The following UBE3A variants were observed in gnomAD, a reference collection of about 807,000 sequenced individuals.
UBE3A encodes ubiquitin-protein ligase E3A.
UBE3A carries 6 observed loss-of-function variants against 83.4 expected under a neutral mutation model. That is an observed-to-expected ratio of 0.07 (90% CI 0.04 to 0.14). The LOEUF (loss-of-function observed/expected upper bound fraction) is 0.14, where lower values mean the gene tolerates loss of function less well. Among genes scored for constraint, UBE3A ranks in the 10% least tolerant of loss-of-function variants. UBE3A has a pLI of 1.00. For missense variants in UBE3A, 456 were observed against 1,036.1 expected (o/e 0.44, Z 7.69); for synonymous variants, 337 against 355.4 (o/e 0.95, Z 0.58).
chr15:25,339,454 CGAT>C (rs1346857197), intron 12 of UBE3A, 197 bp from the exon 13 acceptor site: 19 of 557,350 alleles, frequency 3.4e-5, no homozygotes, highest in South Asian at 2.4e-5. Flanking sequence ...AAGCTAGTGA[CGAT>C]GATAAGATAC....
intron 1 of UBE3A, among the ~76,000 whole-genome samples, chr15:25,430,122 T>C (rs1236403141): frequency 1.4e-5 from 1 of 73,252 alleles, no homozygotes; most frequent in Non-Finnish European, 2.2e-5. Flanking sequence ...TACATATATA[T>C]AAGATTATAT....
chr15:25,334,423 C>G lies in UBE3A; in HGVS notation c.*4714G>C, dbSNP rs1446729375. 2 of 152,042 alleles carry G rather than the reference C, an allele frequency of 1.3e-5. No homozygotes were observed. The highest frequency in any genetic ancestry group is 4.8e-5 in the African/African-American group (2 of 41,402). The allele number at this position is 152,042 out of a possible 1,614,324, so 9.4% of individuals were successfully genotyped here. A position where few individuals can be genotyped will look rare whatever the true frequency, so the allele number is the denominator to read the frequency against. On this transcript the variant is annotated 3_prime_UTR_variant, in exon 13 of 13. Coordinates refer to ENST00000648336, the MANE Select transcript of UBE3A (RefSeq NM_130839.5). ...ATAAAGACCTAAGCAAATGCAAAGA[C>G]ATCCCACAGTCATGGAACAGAAAAC...
chr15:25,399,710 A>G (rs1864817071), intron 4 of UBE3A, among the ~76,000 whole-genome samples: 1 of 151,736 alleles, frequency 6.6e-6, no homozygotes. Context: ...CTAGGACTAC[A>G]GATACACAGC....
At chr15:25,369,677 C>T (rs989151963) in intron 6 of UBE3A, among the ~76,000 whole-genome samples, 3 of 152,056 alleles carry the variant, frequency 2.0e-5, no homozygotes, top group South Asian at 2.1e-4. Context: ...ACTAGAAATA[C>T]AATAAAGCTC....
At chr15:25,382,735 C>G (rs2082411948) in intron 4 of UBE3A, among the ~76,000 whole-genome samples, 1 of 151,876 alleles carries the variant, frequency 6.6e-6, no homozygotes, top group South Asian at 2.1e-4. Flanking sequence ...AGAATAGACA[C>G]AAACAGCAAC....
chr15:25,416,591 T>C (rs145989715), intron 1 of UBE3A, among the ~76,000 whole-genome samples: 1,592 of 150,392 alleles, frequency 0.011, 25 homozygotes, highest in Middle Eastern at 0.034. Flanking sequence ...GTGCTCAGTG[T>C]GTGAAAGTGC....
At chr15:25,403,932 A>G (rs1317300083) in intron 4 of UBE3A, among the ~76,000 whole-genome samples, 4 of 152,208 alleles carry the variant, frequency 2.6e-5, no homozygotes, top group Non-Finnish European at 4.4e-5. Flanking sequence ...AATGGTTGTC[A>G]GAGGCTGTGA....
intron 4 of UBE3A, among the ~76,000 whole-genome samples, chr15:25,377,532 T>C (rs1011773321): frequency 2.0e-5 from 3 of 152,190 alleles, no homozygotes; most frequent in Admixed American, 2.0e-4. Context: ...ATGCAGAATC[T>C]AGAAAATTTA....
chr15:25,354,819 C>G (rs1342200934), intron 9 of UBE3A, 136 bp from the exon 10 acceptor site: 1 of 810,014 alleles, frequency 1.2e-6, no homozygotes, highest in Non-Finnish European at 1.9e-6. Flanking sequence ...AATTTTACAC[C>G]TACTTCTTAA....
At chr15:25,343,063 TC>T (rs1353880564) in intron 11 of UBE3A, among the ~76,000 whole-genome samples, 1 of 152,104 alleles carries the variant, frequency 6.6e-6, no homozygotes, top group Non-Finnish European at 1.5e-5. Flanking sequence ...AAGTGGTGAT[TC>T]TGCCCTTACT....
Position 25,339,083 on chromosome 15 carries a change from ATTTT to A in UBE3A, c.*50_*53del. On this transcript the variant is annotated 3_prime_UTR_variant, in exon 13 of 13. Coordinates refer to ENST00000648336, the MANE Select transcript of UBE3A (RefSeq NM_130839.5). ...TCGTTATATTTTTAAAATTTTTTAAATTTTTTCTTTTTTTTTCCTTCCTTTTTTT... is the reference window on the plus strand; with the variant it reads ...TCGTTATATTTTTAAAATTTTTTAAATTCTTTTTTTTTCCTTCCTTTTTTT... The A allele has an allele frequency of 1.5e-5, 22 of 1,476,372 alleles. No homozygotes were observed. Among genetic ancestry groups the A allele is most frequent in the Non-Finnish European group, 2.0e-5 (22 of 1,119,124 alleles). The allele number at this position is 1,476,372 out of a possible 1,614,324, so 91.5% of individuals were successfully genotyped here. A position where few individuals can be genotyped will look rare whatever the true frequency, so the allele number is the denominator to read the frequency against.
intron 1 of UBE3A, among the ~76,000 whole-genome samples, chr15:25,434,969 TACACAC>T (rs55856025): frequency 0.25 from 35,620 of 142,758 alleles, 4,846 homozygotes; most frequent in East Asian, 0.35. Flanking sequence ...TCTATATACA[TACACAC>T]ACACACACAC....
At chr15:25,405,536 T>C (rs973424612) in intron 3 of UBE3A, 34 bp from the exon 4 acceptor site, 2 of 1,607,492 alleles carry the variant, frequency 1.2e-6, no homozygotes, top group Admixed American at 1.7e-5. Context: ...GTTAGCAAAA[T>C]ATTCCATATT....
intron 3 of UBE3A, among the ~76,000 whole-genome samples, chr15:25,406,141 C>T (rs74006409): frequency 0.046 from 7,060 of 152,226 alleles, 209 homozygotes; most frequent in African/African-American, 0.065. Context: ...CAACCGCTAC[C>T]GCTACTCCAG....
At chr15:25,342,723 G>A (rs1010770147) in intron 11 of UBE3A, among the ~76,000 whole-genome samples, 2 of 152,148 alleles carry the variant, frequency 1.3e-5, no homozygotes, top group African/African-American at 4.8e-5. Flanking sequence ...GTGGGGAAAT[G>A]AGCAGGGTCC....
Position 25,345,370 on chromosome 15 carries a change from C to T in UBE3A, c.2355-5142G>A, listed in dbSNP as rs2075504130. 2.6e-5 allele frequency among the ~76,000 whole-genome samples: 4 copies of T among 152,062 alleles called. No homozygotes were observed. In the South Asian group the frequency reaches 8.3e-4, roughly 32 times the overall value. On this transcript the variant is annotated intron_variant, in intron 11 of 12. Transcript: ENST00000648336. ...CTTCTGGGAATAACTTCCGAATGGACCAGGTCAGTAATAAAAACCAAAAAA... is the reference window on the plus strand; with the variant it reads ...CTTCTGGGAATAACTTCCGAATGGATCAGGTCAGTAATAAAAACCAAAAAA...
chr15:25,388,777 T>TA (rs2083667699), intron 4 of UBE3A, among the ~76,000 whole-genome samples: 1 of 152,170 alleles, frequency 6.6e-6, no homozygotes, highest in African/African-American at 2.4e-5. Context: ...AGCTGCAGGA[T>TA]ACAAGGTTCA....
chr15:25,420,507 T>C (rs79641151), intron 1 of UBE3A: 10,043 of 152,130 alleles, frequency 0.066, 444 homozygotes, highest in Middle Eastern at 0.13. Flanking sequence ...ACAAAGAACA[T>C]ATGTTCTGAA....
At chr15:25,360,362 T>G (rs756688745) in intron 7 of UBE3A, 21 bp downstream of exon 7, 2 of 1,613,314 alleles carry the variant, frequency 1.2e-6, no homozygotes, top group Admixed American at 3.3e-5. Context: ...GACACCATAA[T>G]CACATTACTA....
Sources: gnomAD v4.1 joint callset for allele counts (sites outside exome capture counted in the v4.1 genomes callset) on GRCh38, gnomAD v4.1.1 for gene constraint, MANE v1.5 for transcripts, NCBI Gene and HGNC (gene_info 2026-07-23, HGNC 2026-07-21) for gene names.